PDIA5: variants seen among roughly 807,000 people sequenced by gnomAD.
The protein encoded by PDIA5 is protein disulfide-isomerase A5.
A neutral mutation model predicts 77.6 loss-of-function variants in PDIA5; 58 were observed. That is an observed-to-expected ratio of 0.75 (90% CI 0.61 to 0.93). The LOEUF is 0.93. Ranked by LOEUF, PDIA5 falls within the 40% of genes least tolerant of loss-of-function variation. The pLI is 0.00. For synonymous variants in PDIA5, 250 were observed against 252.1 expected (o/e 0.99, Z 0.08); for missense variants, 630 against 647.7 (o/e 0.97, Z 0.30).
intron 1 of PDIA5, among the ~76,000 whole-genome samples, chr3:123,085,889 A>AT (rs1934125743): frequency 6.6e-6 from 1 of 152,150 alleles, no homozygotes. Context: ...AATCATGTGC[A>AT]TTGAGCTGTG....
chr3:123,089,387 C>A, intron 2 of PDIA5, 93 bp downstream of exon 2: 1 of 1,283,066 alleles, frequency 7.8e-7, no homozygotes, highest in South Asian at 1.3e-5. Flanking sequence ...GGATGAAAAC[C>A]ACTTAGGGAG....
intron 11 of PDIA5, among the ~76,000 whole-genome samples, chr3:123,136,026 G>A (rs1257104383): frequency 6.6e-6 from 1 of 151,660 alleles, no homozygotes; most frequent in Admixed American, 6.6e-5. Flanking sequence ...AAACTCCTGG[G>A]CTTAAATGAT....
intron 2 of PDIA5, among the ~76,000 whole-genome samples, chr3:123,090,659 A>T (rs1934260741): frequency 6.6e-6 from 1 of 152,176 alleles, no homozygotes; most frequent in African/African-American, 2.4e-5. Context: ...GCAATGACAG[A>T]AGGGCTTTGA....
chr3:123,128,007 C>T (rs1321011106), intron 10 of PDIA5, among the ~76,000 whole-genome samples: 1 of 152,180 alleles, frequency 6.6e-6, no homozygotes, highest in African/African-American at 2.4e-5. Flanking sequence ...GTTTTGGGTT[C>T]AGACTCTCAC....
chr3:123,072,615 A>AG (rs1024010488), intron 1 of PDIA5, among the ~76,000 whole-genome samples: 10 of 152,078 alleles, frequency 6.6e-5, no homozygotes, highest in South Asian at 2.1e-4. Context: ...GATCCCAGGT[A>AG]GGGGGGGTGG....
chr3:123,070,111 G>A, intron 1 of PDIA5, among the ~76,000 whole-genome samples: 1 of 151,086 alleles, frequency 6.6e-6, no homozygotes, highest in African/African-American at 2.4e-5. Context: ...AAAAGAAGAA[G>A]AAGAAGAAGA....
rs1248298219 is a variant in PDIA5, at chr3:123,096,232, T to C, written c.257+3790T>C. Among the ~76,000 whole-genome samples the C allele has an allele frequency of 2.7e-4, 41 of 151,928 alleles. 1 individual carries two copies. The highest frequency in any genetic ancestry group is 2.5e-3 in the Admixed American group (38 of 15,268). ...TTTTGTTTTTGAGATGAGGTCTCAC[T>C]CTGTTGCCCAGGCTGCAGTGCAGTG... On this transcript the variant is annotated intron_variant, in intron 3 of 16. Coordinates refer to ENST00000316218, the MANE Select transcript of PDIA5 (RefSeq NM_006810.4).
chr3:123,152,958 G>A (rs992786970), intron 14 of PDIA5, among the ~76,000 whole-genome samples: 16 of 139,184 alleles, frequency 1.1e-4, no homozygotes, highest in Non-Finnish European at 1.7e-4. Context: ...CTACACAGAG[G>A]CAGTGCCTTT....
At chr3:123,072,714 A>G (rs1406916128) in intron 1 of PDIA5, among the ~76,000 whole-genome samples, 1 of 152,182 alleles carries the variant, frequency 6.6e-6, no homozygotes, top group African/African-American at 2.4e-5. Flanking sequence ...GACACCAAAC[A>G]CACTGTATCC....
At chr3:123,095,428 AT>A (rs1236219409) in intron 3 of PDIA5, among the ~76,000 whole-genome samples, 7 of 152,146 alleles carry the variant, frequency 4.6e-5, no homozygotes, top group African/African-American at 1.7e-4. Flanking sequence ...GCCCCAGGCC[AT>A]GGGTGTTTTG....
chr3:123,106,581 T>C (rs1202675965), intron 5 of PDIA5, among the ~76,000 whole-genome samples, 168 bp from the exon 6 acceptor site: 1 of 152,178 alleles, frequency 6.6e-6, no homozygotes, highest in East Asian at 1.9e-4. Context: ...ATGATGTCAG[T>C]GGACAGCGGA....
At chr3:123,117,347 G>A (rs939185259) in intron 8 of PDIA5, among the ~76,000 whole-genome samples, 3 of 101,798 alleles carry the variant, frequency 2.9e-5, no homozygotes, top group African/African-American at 1.1e-4. Flanking sequence ...TTGATAAACT[G>A]CCTTTCTACT....
intron 11 of PDIA5, 79 bp from the exon 12 acceptor site, chr3:123,145,443 G>T: frequency 9.8e-7 from 1 of 1,020,402 alleles, no homozygotes; most frequent in East Asian, 2.4e-5. Flanking sequence ...GGACTGAGCT[G>T]CCTTACAGAG....
chr3:123,142,557 A>T (rs572413193), intron 11 of PDIA5, among the ~76,000 whole-genome samples: 2 of 152,344 alleles, frequency 1.3e-5, no homozygotes, highest in African/African-American at 4.8e-5. Context: ...TGAACTCCCA[A>T]AGTCATCTAA....
intron 8 of PDIA5, among the ~76,000 whole-genome samples, chr3:123,117,674 G>A (rs1224840424): frequency 6.6e-6 from 1 of 151,772 alleles, no homozygotes; most frequent in Admixed American, 6.6e-5. Context: ...TTTTAGGGCT[G>A]AATTATATTC....
At chr3:123,120,440 G>A (rs565707807) in intron 8 of PDIA5, among the ~76,000 whole-genome samples, 5 of 152,226 alleles carry the variant, frequency 3.3e-5, no homozygotes, top group Non-Finnish European at 7.3e-5. Flanking sequence ...CATAGACACA[G>A]ATGACTGATC....
chr3:123,070,485 C>T (rs1933693133), intron 1 of PDIA5, among the ~76,000 whole-genome samples: 1 of 152,194 alleles, frequency 6.6e-6, no homozygotes, highest in African/African-American at 2.4e-5. Context: ...GAACCCTTAG[C>T]CTTCCAAAAG....
intron 11 of PDIA5, among the ~76,000 whole-genome samples, chr3:123,142,314 G>T (rs551993979): frequency 6.6e-6 from 1 of 152,342 alleles, no homozygotes; most frequent in East Asian, 1.9e-4. Flanking sequence ...TTTTGCGGTT[G>T]CCCCTGGGAA....
chr3:123,107,343 G>A (rs755375725), intron 6 of PDIA5, among the ~76,000 whole-genome samples: 1 of 152,080 alleles, frequency 6.6e-6, no homozygotes, highest in Non-Finnish European at 1.5e-5. Context: ...CAGGGGTGGA[G>A]GTAGAAGGGT....
Sources: allele counts gnomAD v4.1 joint callset (sites outside exome capture counted in the v4.1 genomes callset), GRCh38; gene constraint gnomAD v4.1.1; transcripts MANE v1.5; gene names NCBI Gene and HGNC (gene_info 2026-07-23, HGNC 2026-07-21).